The following RAB3IL1 variants were observed in gnomAD, a reference collection of about 807,000 sequenced individuals.
RAB3IL1 encodes the protein RAB3A interacting protein like 1.
Under a neutral mutation model 49.2 loss-of-function variants are expected in RAB3IL1, and 37 were observed. The ratio of observed to expected loss-of-function variants is 0.75; its 90% confidence interval spans 0.58 to 0.99. The LOEUF (loss-of-function observed/expected upper bound fraction) is 0.99, where lower values mean the gene tolerates loss of function less well. Among genes scored for constraint, RAB3IL1 ranks in the 50% least tolerant of loss-of-function variants. RAB3IL1 has a pLI of 0.00. For missense variants in RAB3IL1, 484 were observed against 513.0 expected, an observed-to-expected ratio of 0.94 and a Z score of 0.55; for synonymous variants, 193 against 213.9, an observed-to-expected ratio of 0.90 and a Z score of 0.85.
At chr11:61,910,451 T>C (rs1459539123) in intron 1 of RAB3IL1, among the ~76,000 whole-genome samples, 1 of 152,180 alleles carries the variant, frequency 6.6e-6, no homozygotes, top group Non-Finnish European at 1.5e-5. Context: ...CTGGGGTCCA[T>C]GTCAGCCTCT....
chr11:61,934,450 G>GTATATATGTA, the RAB3IL1 span, among the ~76,000 whole-genome samples: 1 of 31,618 alleles, frequency 3.2e-5, no homozygotes, highest in African/African-American at 9.1e-5. Flanking sequence ...GTGTGTGTAT[G>GTATATATGTA]TATATATATA....
At chr11:61,934,450 G>GTATATATATA in the RAB3IL1 span, among the ~76,000 whole-genome samples, 29 of 31,522 alleles carry the variant, frequency 9.2e-4, no homozygotes, top group East Asian at 0.01. Flanking sequence ...GTGTGTGTAT[G>GTATATATATA]TATATATATA....
chr11:61,920,987 T>G (rs1939893256), upstream of RAB3IL1, among the ~76,000 whole-genome samples: 1 of 152,082 alleles, frequency 6.6e-6, no homozygotes, highest in Non-Finnish European at 1.5e-5. Flanking sequence ...TTTTAAATTC[T>G]TTTTCTTAGA....
chr11:61,920,961 T>A (rs759913864), upstream of RAB3IL1, among the ~76,000 whole-genome samples: 2 of 152,148 alleles, frequency 1.3e-5, no homozygotes, highest in South Asian at 4.1e-4. Flanking sequence ...TGTTATTTTT[T>A]ATTTTTTTTC....
Position 61,898,355 on chromosome 11 carries a change from G to A in RAB3IL1, c.1072C>T (p.Pro358Ser), listed in dbSNP as rs369550638. 2 of 1,613,284 alleles carry A rather than the reference G, an allele frequency of 1.2e-6. No homozygotes were observed. The highest frequency in any genetic ancestry group is 2.7e-5 in the African/African-American group (2 of 74,928). ...AACCTCATGATCTCCCAGAACATGG[G>A]CTCTGCTGCAGGCAGAGAGAGGGTG... The part of the protein sequence containing the change: ...QQGLVRQDAE[P>S]MFWEIMRLRK... The change falls in exon 10 of 10, where the codon CCC (proline) becomes TCC (serine). Residue 358 changes from proline (P) to serine (S), a missense_variant. Transcript: ENST00000394836. This position sits in a 1 kb window ranked among gnomAD's most constrained non-coding sequence, Gnocchi z 5.1.
At chr11:61,903,277 T>C (rs1939014132) in intron 7 of RAB3IL1, among the ~76,000 whole-genome samples, 1 of 152,138 alleles carries the variant, frequency 6.6e-6, no homozygotes, top group Non-Finnish European at 1.5e-5. Flanking sequence ...TGGCTCCTTC[T>C]GGCCAGCTCT....
Position 61,908,169 on chromosome 11 carries a change from C to A in RAB3IL1, c.149G>T (p.Gly50Val). 1 of 1,559,238 alleles carries A rather than the reference C, an allele frequency of 6.4e-7. No individual in the cohort carries two copies. Among genetic ancestry groups the A allele is most frequent in the East Asian group, 2.4e-5 (1 of 41,668 alleles). ...CTGGGCGGCTGCGGGGCCCTCCTGGCCTTGGGCCTCCTCCCCTGCAGAGGT... is the reference window on the plus strand; with the variant it reads ...CTGGGCGGCTGCGGGGCCCTCCTGGACTTGGGCCTCCTCCCCTGCAGAGGT... ...VETSAGEEAQ[G>V]QEGPAAAQLD... Residue 50 changes from glycine to valine, a missense_variant, in exon 2 of 10, where the codon GGC (glycine) becomes GTC (valine). By Grantham distance (109) the Gly-to-Val change is moderately radical. Transcript: ENST00000394836.
rs1023971895 is a variant in RAB3IL1 at position 61,917,529 on chromosome 11, C to G, written c.-162G>C. The G allele has an allele frequency of 1.4e-4, 158 of 1,115,136 alleles. No individual in the cohort carries two copies. The African/African-American group carries it at 2.3e-3, about 16-fold the overall frequency. The allele number at this position is 1,115,136 out of a possible 1,614,324, so 69.1% of individuals were successfully genotyped here. On this transcript the variant is annotated 5_prime_UTR_variant, in exon 1 of 10. Coordinates refer to ENST00000394836, the MANE Select transcript of RAB3IL1 (RefSeq NM_013401.4). Reference sequence around the variant, plus strand: ...AGGTCTCAGACGCCTGGGCTCGCGGCCCCCAGCCCAGCCCCGACCCTGCCC... The same window carrying G: ...AGGTCTCAGACGCCTGGGCTCGCGGGCCCCAGCCCAGCCCCGACCCTGCCC...
intron 8 of RAB3IL1, 50 bp downstream of exon 8, chr11:61,902,391 CA>C (rs1237107880): frequency 2.7e-6 from 4 of 1,489,540 alleles, no homozygotes; most frequent in Non-Finnish European, 3.7e-6. Context: ...AGTGTCCCAG[CA>C]CCCAGGTGGC....
chr11:61,916,241 G>C (rs1939680963), intron 1 of RAB3IL1, among the ~76,000 whole-genome samples: 1 of 151,854 alleles, frequency 6.6e-6, no homozygotes, highest in African/African-American at 2.4e-5. Context: ...AGCTACTCAG[G>C]AGGCTGAGTC....
At chr11:61,932,492 C>T in the RAB3IL1 span, among the ~76,000 whole-genome samples, 1 of 152,132 alleles carries the variant, frequency 6.6e-6, no homozygotes, top group African/African-American at 2.4e-5. Context: ...ATAGTTCATT[C>T]ATTCAGCAGT....
At chr11:61,940,735 C>T in the RAB3IL1 span, among the ~76,000 whole-genome samples, 1 of 152,128 alleles carries the variant, frequency 6.6e-6, no homozygotes, top group Non-Finnish European at 1.5e-5. Context: ...GCCTGGGCAA[C>T]ATGGTGAATC....
rs1247726608 is a variant in RAB3IL1, at chr11:61,906,656, G to A, written c.467C>T (p.Ala156Val). Reference sequence around the variant, plus strand: ...GGACGTGATGACCAGCGTCTTCAAGGCTGTCACCTCTGCCTGCAGCATGTC... The same window carrying A: ...GGACGTGATGACCAGCGTCTTCAAGACTGTCACCTCTGCCTGCAGCATGTC... The part of the protein sequence containing the change: ...KIDMLQAEVT[A>V]LKTLVITSTP... The change falls in exon 5 of 10, where the codon GCC becomes GTC. Residue 156 changes from alanine (A) to valine (V), a missense_variant. Transcript: ENST00000394836. The surrounding 1 kb of genome is among the most constrained non-coding windows in gnomAD (Gnocchi z 4.6). 6.2e-7 allele frequency: 1 copy of A among 1,610,570 alleles called. No individual in the cohort carries two copies. The highest frequency in any genetic ancestry group is 1.3e-5 in the African/African-American group (1 of 74,858).
upstream of RAB3IL1, among the ~76,000 whole-genome samples, chr11:61,921,742 C>T (rs901329064): frequency 6.6e-6 from 1 of 152,152 alleles, no homozygotes; most frequent in Non-Finnish European, 1.5e-5. Flanking sequence ...GTGAATGTGC[C>T]ACCCTGTCTT....
chr11:61,917,354 T>C lies in RAB3IL1; in HGVS notation c.11+3A>G. The C allele has an allele frequency of 1.6e-6, 2 of 1,279,890 alleles. No homozygotes were observed. Among genetic ancestry groups the C allele is most frequent in the Non-Finnish European group, 9.9e-7 (1 of 1,014,664 alleles). 79.3% of individuals were successfully genotyped at this position (1,279,890 alleles called of 1,614,324 possible). A position where few individuals can be genotyped will look rare whatever the true frequency, so the allele number is the denominator to read the frequency against. ...GCGGGACCGCGAGCGCGCGCGGACC[T>C]ACCCGCTCCACATCCCGGCGCCTCG... On this transcript the variant is annotated splice_donor_region_variant and intron_variant, in intron 1 of 9. Coordinates refer to ENST00000394836, the MANE Select transcript of RAB3IL1 (RefSeq NM_013401.4).
chr11:61,916,031 CAAAA>C (rs35371411), intron 1 of RAB3IL1, among the ~76,000 whole-genome samples: 2 of 88,912 alleles, frequency 2.2e-5, no homozygotes, highest in Admixed American at 1.2e-4. Context: ...CACTCTGTCT[CAAAA>C]AAAAAAAAAA....
At chr11:61,925,082 G>C (rs1024422078), upstream of RAB3IL1, among the ~76,000 whole-genome samples, 1 of 152,194 alleles carries the variant, frequency 6.6e-6, no homozygotes, top group African/African-American at 2.4e-5. Flanking sequence ...CTCAGATTCT[G>C]TTCATCCTTG....
chr11:61,942,474 C>CAAAAAAA, the RAB3IL1 span, among the ~76,000 whole-genome samples: 1 of 151,220 alleles, frequency 6.6e-6, no homozygotes, highest in Non-Finnish European at 1.5e-5. Context: ...AATTAAAAAA[C>CAAAAAAA]AAACAAACAA....
At chr11:61,928,383 A>C in the RAB3IL1 span, among the ~76,000 whole-genome samples, 1 of 151,996 alleles carries the variant, frequency 6.6e-6, no homozygotes, top group East Asian at 1.9e-4. Flanking sequence ...CTCAAAATAC[A>C]TGAAGCTAGG....
Sources: gnomAD v4.1 joint callset for allele counts (sites outside exome capture counted in the v4.1 genomes callset) on GRCh38, gnomAD v4.1.1 for gene constraint, Gnocchi (gnomAD v3.1) non-coding constraint, MANE v1.5 for transcripts, NCBI Gene and HGNC (gene_info 2026-07-23, HGNC 2026-07-21) for gene names.